Variants in NMNAT1 observed in about 807,000 individuals in gnomAD.
NMNAT1 encodes the protein nicotinamide/nicotinic acid mononucleotide adenylyltransferase 1.
In NMNAT1, 11 loss-of-function variants were observed where a neutral mutation model predicts 16.7. That is an observed-to-expected ratio of 0.66 (90% CI 0.41 to 1.09). The LOEUF is 1.09. Ranked by LOEUF, NMNAT1 falls within the 50% of genes least tolerant of loss-of-function variation. The pLI, the probability that NMNAT1 is intolerant of heterozygous loss-of-function variation, is 0.00. For synonymous variants in NMNAT1, 110 were observed against 119.8 expected (o/e 0.92, Z 0.53); for missense variants, 280 against 332.3 (o/e 0.84, Z 1.22).
At chr1:9,944,263 A>C (rs1261869107) in intron 1 of NMNAT1, among the ~76,000 whole-genome samples, 1 of 151,608 alleles carries the variant, frequency 6.6e-6, no homozygotes, top group Non-Finnish European at 1.5e-5. Flanking sequence ...CAAAAATAAA[A>C]ATAAAAAAAA....
Position 9,982,649 on chromosome 1 carries a change from C to G in NMNAT1, c.788C>G (p.Ala263Gly), listed in dbSNP as rs149329497. 7 of 1,614,022 alleles carry G rather than the reference C, an allele frequency of 4.3e-6. No homozygotes were observed. In the East Asian group the frequency reaches 1.6e-4, roughly 36 times the overall value. ...AGCTCTGAGAGTGAAGACAGGAATGCTGGGGTCATCCTGGCCCCTTTGCAG... is the reference window on the plus strand; with the variant it reads ...AGCTCTGAGAGTGAAGACAGGAATGGTGGGGTCATCCTGGCCCCTTTGCAG... ...LYSSESEDRN[A>G]GVILAPLQRN... The change falls in exon 5 of 5, where the codon GCT becomes GGT. Residue 263 changes from alanine to glycine, a missense_variant. By Grantham distance (60) the Ala-to-Gly change is moderately conservative. Transcript: ENST00000377205.
intron 4 of NMNAT1, 122 bp downstream of exon 4, chr1:9,981,292 T>C (rs540240975): frequency 6.2e-6 from 9 of 1,441,478 alleles, no homozygotes; most frequent in Non-Finnish European, 8.3e-6. Flanking sequence ...TGGAGTGCAG[T>C]GGCATGATCT....
intron 1 of NMNAT1, among the ~76,000 whole-genome samples, chr1:9,948,298 G>A: frequency 6.6e-6 from 1 of 152,160 alleles, no homozygotes; most frequent in East Asian, 1.9e-4. Flanking sequence ...TTGTCGGCCA[G>A]GTGAGGTGGC....
chr1:9,978,946 A>G (rs1641874717), intron 3 of NMNAT1, among the ~76,000 whole-genome samples: 1 of 151,992 alleles, frequency 6.6e-6, no homozygotes, highest in Non-Finnish European at 1.5e-5. Flanking sequence ...ATTAAGCCAC[A>G]CTCTTCCATG....
At chr1:9,976,548 A>T (rs1265276298) in intron 3 of NMNAT1, among the ~76,000 whole-genome samples, 1 of 152,076 alleles carries the variant, frequency 6.6e-6, no homozygotes, top group Non-Finnish European at 1.5e-5. Context: ...GGAGTCACAG[A>T]TCTCTGTGCC....
At chr1:9,953,771 A>G (rs1405614314) in intron 1 of NMNAT1, among the ~76,000 whole-genome samples, 2 of 119,728 alleles carry the variant, frequency 1.7e-5, no homozygotes, top group African/African-American at 3.2e-5. Context: ...ATTCGGACAT[A>G]GTTTTTGCTG....
At chr1:9,948,476 A>C (rs1305868798) in intron 1 of NMNAT1, among the ~76,000 whole-genome samples, 1 of 151,888 alleles carries the variant, frequency 6.6e-6, no homozygotes, top group African/African-American at 2.4e-5. Context: ...ACTTGGGGTA[A>C]GGGCTGAGGT....
intron 2 of NMNAT1, among the ~76,000 whole-genome samples, chr1:9,974,937 C>A (rs567525963): frequency 6.6e-6 from 1 of 152,048 alleles, no homozygotes; most frequent in Non-Finnish European, 1.5e-5. Context: ...TTGCATACAT[C>A]TAGGTGGACA....
intron 1 of NMNAT1, among the ~76,000 whole-genome samples, chr1:9,965,705 G>T (rs1641526841): frequency 6.6e-6 from 1 of 152,002 alleles, no homozygotes; most frequent in Non-Finnish European, 1.5e-5. Context: ...ACCTGGCCAA[G>T]AATATTTATT....
intron 1 of NMNAT1, among the ~76,000 whole-genome samples, chr1:9,948,795 C>T (rs1486125491): frequency 1.3e-5 from 2 of 151,696 alleles, no homozygotes; most frequent in African/African-American, 4.8e-5. Flanking sequence ...TACAGGCACC[C>T]GCCACCATGC....
chr1:9,972,367 G>A, intron 2 of NMNAT1, 179 bp downstream of exon 2: 1 of 488,422 alleles, frequency 2.0e-6, no homozygotes, highest in Non-Finnish European at 3.7e-6. Flanking sequence ...AAAATTCACT[G>A]TGCCTGTAGT....
At chr1:9,975,926 C>T in intron 3 of NMNAT1, 151 bp downstream of exon 3, 1 of 643,578 alleles carries the variant, frequency 1.6e-6, no homozygotes, top group Non-Finnish European at 2.7e-6. Context: ...AAGGTTACTA[C>T]AAGACTGTAG....
intron 3 of NMNAT1, among the ~76,000 whole-genome samples, chr1:9,978,333 G>C (rs950035844): frequency 1.3e-5 from 2 of 152,222 alleles, no homozygotes; most frequent in Admixed American, 1.3e-4. Flanking sequence ...TCCAGCCTGG[G>C]TGACAGAGTG....
chr1:9,995,942 T>TGG, the NMNAT1 span, among the ~76,000 whole-genome samples: 2 of 151,622 alleles, frequency 1.3e-5, no homozygotes, highest in Middle Eastern at 3.4e-3. Flanking sequence ...GGCAGGAGAA[T>TGG]CACTTGAACC....
chr1:9,995,883 G>T, the NMNAT1 span, among the ~76,000 whole-genome samples: 1 of 151,270 alleles, frequency 6.6e-6, no homozygotes, highest in Admixed American at 6.6e-5. Flanking sequence ...CAAAAAATTA[G>T]TTGGGCATGG....
At chr1:9,945,476 G>A (rs559305530) in intron 1 of NMNAT1, among the ~76,000 whole-genome samples, 4 of 152,184 alleles carry the variant, frequency 2.6e-5, no homozygotes, top group African/African-American at 7.2e-5. Flanking sequence ...CGAGGTGGGC[G>A]GATCACGAGG....
At chr1:9,954,182 CCA>C (rs1268864524) in intron 1 of NMNAT1, among the ~76,000 whole-genome samples, 1 of 152,050 alleles carries the variant, frequency 6.6e-6, no homozygotes, top group African/African-American at 2.4e-5. Flanking sequence ...TTAAACTTCT[CCA>C]CATTTCAGAA....
At chr1:9,947,651 G>A (rs1641010321) in intron 1 of NMNAT1, 2 of 152,298 alleles carry the variant, frequency 1.3e-5, no homozygotes, top group East Asian at 3.9e-4. Context: ...TAGCTGCTTA[G>A]GCCAAAAACT....
chr1:9,962,136 C>T (rs1570691315), intron 1 of NMNAT1, among the ~76,000 whole-genome samples: 2 of 151,956 alleles, frequency 1.3e-5, no homozygotes, highest in African/African-American at 4.8e-5. Flanking sequence ...TGTTTCATCC[C>T]GTCCAATGAA....
Sources: allele counts gnomAD v4.1 joint callset (sites outside exome capture counted in the v4.1 genomes callset), GRCh38; gene constraint gnomAD v4.1.1; transcripts MANE v1.5; gene names NCBI Gene and HGNC (gene_info 2026-07-23, HGNC 2026-07-21).